ELMOD1: variants seen among roughly 807,000 people sequenced by gnomAD.
ELMOD1 encodes the protein ELMO domain containing 1.
A neutral mutation model predicts 46.7 loss-of-function variants in ELMOD1; 21 were observed. That is an observed-to-expected ratio of 0.45 (90% confidence interval 0.32 to 0.65). ELMOD1 has a LOEUF of 0.65. Ranked by LOEUF, ELMOD1 falls within the 30% of genes least tolerant of loss-of-function variation. ELMOD1 has a pLI of 0.04. For synonymous variants in ELMOD1, 122 were observed against 138.2 expected (o/e 0.88, Z 0.82); for missense variants, 348 against 407.8 (o/e 0.85, Z 1.26).
intron 6 of ELMOD1, among the ~76,000 whole-genome samples, chr11:107,640,031 TCTCA>T (rs1411062299): frequency 6.6e-6 from 1 of 152,042 alleles, no homozygotes; most frequent in Non-Finnish European, 1.5e-5. Context: ...TGAGACAGGG[TCTCA>T]CTCTGTCACG....
At chr11:107,607,585 G>A (rs1435327905) in intron 1 of ELMOD1, among the ~76,000 whole-genome samples, 2 of 152,116 alleles carry the variant, frequency 1.3e-5, no homozygotes, top group African/African-American at 4.8e-5. Context: ...TTGAGCCTGG[G>A]GGTCCAGGCC....
chr11:107,610,087 T>G (rs541063147), intron 1 of ELMOD1, among the ~76,000 whole-genome samples: 8 of 152,150 alleles, frequency 5.3e-5, no homozygotes, highest in Non-Finnish European at 1.2e-4. Context: ...TACCCGTCCA[T>G]GGGTGTCCTA....
intron 4 of ELMOD1, among the ~76,000 whole-genome samples, chr11:107,631,089 A>G (rs577481740): frequency 1.3e-3 from 201 of 152,236 alleles, no homozygotes; most frequent in African/African-American, 3.5e-3. Flanking sequence ...TTTCAATAAC[A>G]TCAAAGAAGC....
At chr11:107,651,486 T>A (rs1866525076) in intron 9 of ELMOD1, among the ~76,000 whole-genome samples, 2 of 152,192 alleles carry the variant, frequency 1.3e-5, no homozygotes, top group Admixed American at 1.3e-4. Flanking sequence ...AGTTGGGCTT[T>A]TTTTCCCCCT....
intron 6 of ELMOD1, among the ~76,000 whole-genome samples, chr11:107,640,075 C>G (rs553301416): frequency 1.8e-4 from 27 of 152,274 alleles, no homozygotes; most frequent in African/African-American, 6.5e-4. Flanking sequence ...GCAATCTTGG[C>G]TCACCACAAC....
At chr11:107,640,532 C>T (rs1866303708) in intron 6 of ELMOD1, among the ~76,000 whole-genome samples, 1 of 151,904 alleles carries the variant, frequency 6.6e-6, no homozygotes, top group Non-Finnish European at 1.5e-5. Flanking sequence ...ACTACGAGTC[C>T]CACATTTTTG....
intron 1 of ELMOD1, among the ~76,000 whole-genome samples, chr11:107,607,786 A>G (rs1865710796): frequency 6.6e-6 from 1 of 152,242 alleles, no homozygotes; most frequent in African/African-American, 2.4e-5. Flanking sequence ...GAAAACTACA[A>G]ACATTATTAT....
At chr11:107,627,861 A>T (rs964025239) in intron 2 of ELMOD1, among the ~76,000 whole-genome samples, 2 of 152,200 alleles carry the variant, frequency 1.3e-5, no homozygotes, top group Non-Finnish European at 2.9e-5. Context: ...CTTTTGCTAG[A>T]GTTCTGCCAC....
intron 11 of ELMOD1, among the ~76,000 whole-genome samples, chr11:107,661,272 A>G (rs1866736034): frequency 6.6e-6 from 1 of 152,180 alleles, no homozygotes; most frequent in Admixed American, 6.5e-5. Context: ...AATTGTGTGT[A>G]AGGTAGGAAA....
intron 9 of ELMOD1, chr11:107,653,545 TC>T (rs1866564219): frequency 8.2e-6 from 1 of 121,860 alleles, no homozygotes; most frequent in Non-Finnish European, 1.7e-5. Flanking sequence ...CCTCCCTCCC[TC>T]CCTTCCTCTC....
chr11:107,646,080 A>T lies in ELMOD1; in HGVS notation c.421-1388A>T, dbSNP rs368521026. On this transcript the variant is annotated intron_variant, in intron 6 of 11. Coordinates refer to ENST00000265840, the MANE Select transcript of ELMOD1 (RefSeq NM_018712.4). ...TGTTTATACCCTGTCGGTAATGAAG[A>T]TAGAAGTCTAAATAGTAAACTTGTT... is the stretch of plus-strand genomic sequence containing the variant. 3.0e-4 allele frequency among the ~76,000 whole-genome samples: 46 copies of T among 152,334 alleles called. No individual in the cohort carries two copies. The East Asian group carries it at 6.9e-3, about 23-fold the overall frequency.
chr11:107,645,089 A>AT (rs11390120), intron 6 of ELMOD1, among the ~76,000 whole-genome samples: 24,295 of 102,998 alleles, frequency 0.24, 3,400 homozygotes, highest in East Asian at 0.34. Context: ...TGCCTGGCTA[A>AT]TTTTTTTTTT....
chr11:107,658,643 A>T (rs1048993259), intron 11 of ELMOD1, among the ~76,000 whole-genome samples: 6 of 152,240 alleles, frequency 3.9e-5, no homozygotes, highest in African/African-American at 1.4e-4. Context: ...GCTTCTAAAA[A>T]TTGGAAAAGT....
At chr11:107,647,371 C>T in intron 6 of ELMOD1, 97 bp from the exon 7 acceptor site, 1 of 1,113,574 alleles carries the variant, frequency 9.0e-7, no homozygotes, top group Non-Finnish European at 1.3e-6. Context: ...TGCATACATT[C>T]AGCTTTGCAA....
chr11:107,602,508 T>TA (rs1456180314), intron 1 of ELMOD1, among the ~76,000 whole-genome samples: 1 of 152,210 alleles, frequency 6.6e-6, no homozygotes, highest in Admixed American at 6.5e-5. Context: ...TAAATTCTTC[T>TA]GGCAGATTCC....
At chr11:107,660,879 A>G (rs992474514) in intron 11 of ELMOD1, among the ~76,000 whole-genome samples, 3 of 152,124 alleles carry the variant, frequency 2.0e-5, no homozygotes, top group Non-Finnish European at 2.9e-5. Flanking sequence ...TCTCCAATAG[A>G]CCCAGCATTA....
At chr11:107,648,021 G>A (rs1866461942) in intron 7 of ELMOD1, among the ~76,000 whole-genome samples, 1 of 151,958 alleles carries the variant, frequency 6.6e-6, no homozygotes, top group Non-Finnish European at 1.5e-5. Context: ...TTAATATGTA[G>A]TTCTAAAAAA....
intron 2 of ELMOD1, among the ~76,000 whole-genome samples, chr11:107,623,060 G>A (rs1865978628): frequency 6.6e-6 from 1 of 152,042 alleles, no homozygotes; most frequent in South Asian, 2.1e-4. Flanking sequence ...GTGCCATGTT[G>A]GTGTGCTGTA....
intron 6 of ELMOD1, among the ~76,000 whole-genome samples, chr11:107,640,545 G>A (rs1239509274): frequency 3.3e-5 from 5 of 151,860 alleles, no homozygotes; most frequent in Non-Finnish European, 7.4e-5. Flanking sequence ...CATTTTTGCT[G>A]TACATTCTTG....
Sources: gnomAD v4.1 joint callset for allele counts (sites outside exome capture counted in the v4.1 genomes callset) on GRCh38, gnomAD v4.1.1 for gene constraint, MANE v1.5 for transcripts, NCBI Gene and HGNC (gene_info 2026-07-23, HGNC 2026-07-21) for gene names.